The following BRF1 variants were observed in gnomAD, a reference collection of about 807,000 sequenced individuals.
BRF1 encodes the protein transcription factor IIIB 90 kDa subunit.
A neutral mutation model predicts 81.7 loss-of-function variants in BRF1; 59 were observed. That is an observed-to-expected ratio of 0.72 (90% CI 0.59 to 0.90). The LOEUF (loss-of-function observed/expected upper bound fraction) is 0.90. Among genes scored for constraint, BRF1 ranks in the 40% least tolerant of loss-of-function variants. The pLI, the probability that BRF1 is intolerant of heterozygous loss-of-function variation, is 0.00. For missense variants in BRF1, 1,050 were observed against 936.3 expected (o/e 1.12, Z -1.58); for synonymous variants, 491 against 395.6 (o/e 1.24, Z -2.86).
At chr14:105,242,784 C>T (rs1029866679) in intron 5 of BRF1, among the ~76,000 whole-genome samples, 3 of 137,518 alleles carry the variant, frequency 2.2e-5, no homozygotes, top group Non-Finnish European at 3.1e-5. Flanking sequence ...ATAGACTGGG[C>T]AATACAGAGA....
intron 15 of BRF1, among the ~76,000 whole-genome samples, chr14:105,215,332 G>A (rs1890935415): frequency 6.6e-6 from 1 of 152,114 alleles, no homozygotes; most frequent in Non-Finnish European, 1.5e-5. Flanking sequence ...AGGTACACAT[G>A]TTGCATGCAC....
intron 8 of BRF1, 34 bp downstream of exon 8, chr14:105,226,600 G>A (rs774379506): frequency 1.2e-6 from 2 of 1,611,848 alleles, no homozygotes; most frequent in South Asian, 2.2e-5. Context: ...AGGCTGGCAA[G>A]CCCAGCACAG....
Position 105,212,170 on chromosome 14 carries a change from AAAGG to A in BRF1, c.1773-10_1773-7del. ...TAGACACCAGAGGCCTCAACCTGCA[AAAGG>A]AAGCACAGCATGGCGGCCTCAGCCC... On this transcript the variant is annotated splice_polypyrimidine_tract_variant and splice_region_variant and intron_variant, in intron 15 of 17. Coordinates refer to ENST00000547530, the MANE Select transcript of BRF1 (RefSeq NM_001519.4). The A allele has an allele frequency of 6.2e-7, 1 of 1,611,528 alleles. No homozygotes were observed. Among genetic ancestry groups the A allele is most frequent in the Non-Finnish European group, 8.5e-7 (1 of 1,179,066 alleles).
intron 2 of BRF1, among the ~76,000 whole-genome samples, chr14:105,279,496 G>A (rs781581769): frequency 3.9e-5 from 6 of 152,044 alleles, no homozygotes; most frequent in South Asian, 2.1e-4. Context: ...AATTAATGCC[G>A]CAGCGAGTGT....
rs755690704 is a variant in BRF1 at position 105,217,764 on chromosome 14, C to G, written c.1552G>C (p.Ala518Pro). ...KSCKRREPIQ[A>P]STAREAIEKM... The stretch of plus-strand genomic sequence containing the variant: ...TCGATGGCCTCCCTGGCGGTACTGG[C>G]CTGAATTGGCTCCCGTCGCTTGCAA... The change falls in exon 15 of 18, where the codon GCC becomes CCC. Residue 518 changes from alanine to proline, a missense_variant. Transcript: ENST00000547530. The G allele has an allele frequency of 2.5e-6, 4 of 1,613,248 alleles. No homozygotes were observed. Among genetic ancestry groups the G allele is most frequent in the Non-Finnish European group, 2.5e-6 (3 of 1,179,930 alleles).
intron 1 of BRF1, among the ~76,000 whole-genome samples, chr14:105,296,778 T>C (rs756036455): frequency 6.6e-6 from 1 of 150,994 alleles, no homozygotes; most frequent in Non-Finnish European, 1.5e-5. Context: ...CATATTTATA[T>C]AAACAAGCAA....
Position 105,274,585 on chromosome 14 carries a change from G to A in BRF1, c.266-1691C>T, listed in dbSNP as rs148324037. Among the ~76,000 whole-genome samples, 500 of 152,330 alleles carry A rather than the reference G, an allele frequency of 3.3e-3. 3 individuals are homozygous for A. Among genetic ancestry groups the A allele is most frequent in the East Asian group, 0.014 (72 of 5,170 alleles). On this transcript the variant is annotated intron_variant, in intron 2 of 17. Coordinates refer to ENST00000547530, the MANE Select transcript of BRF1 (RefSeq NM_001519.4). ...ATCCGAGCACACGCGCCTCCCTGGA[G>A]CAAGACCCTCCCAAAGCTGCGGGCC...
chr14:105,241,243 A>AG lies in BRF1; in HGVS notation c.694+21dup, dbSNP rs1209848630. ...GCCAGGACCCAGACCAGCATCCCCC[A>AG]GGCAGGCAGGGCCCGCTGTACCTGC... On this transcript the variant is annotated intron_variant, in intron 6 of 17. Transcript: ENST00000547530. The AG allele has an allele frequency of 1.9e-6, 3 of 1,607,688 alleles. No homozygotes were observed. The South Asian group carries it at 3.3e-5, about 18-fold the overall frequency.
chr14:105,256,374 C>A (rs754186713), intron 4 of BRF1, 144 bp downstream of exon 4: 36 of 1,587,480 alleles, frequency 2.3e-5, no homozygotes, highest in Non-Finnish European at 2.9e-5. Context: ...ATCCTACAGA[C>A]CAAAACTTCC....
At chr14:105,250,121 C>T in intron 5 of BRF1, 2 of 1,613,010 alleles carry the variant, frequency 1.2e-6, no homozygotes, top group Non-Finnish European at 1.7e-6. Context: ...GTCAGACATC[C>T]TGACTCTGGA....
At chr14:105,246,737 G>A (rs1332200774) in intron 5 of BRF1, 3 of 890,418 alleles carry the variant, frequency 3.4e-6, no homozygotes, top group African/African-American at 3.6e-5. Context: ...GATTACAGGC[G>A]TGAGCCACCG....
At chr14:105,310,682 CGCCCG>C (rs1437275155) in intron 1 of BRF1, among the ~76,000 whole-genome samples, 2 of 152,028 alleles carry the variant, frequency 1.3e-5, no homozygotes, top group African/African-American at 4.8e-5. Context: ...AGCCAGATGG[CGCCCG>C]GCTCTCCAGC....
intron 5 of BRF1, among the ~76,000 whole-genome samples, chr14:105,251,538 T>C (rs2055615542): frequency 6.6e-6 from 1 of 152,154 alleles, no homozygotes; most frequent in Admixed American, 6.5e-5. Flanking sequence ...CTGGAAAACC[T>C]GTATGACCCC....
intron 1 of BRF1, among the ~76,000 whole-genome samples, chr14:105,310,301 C>A (rs1007278361): frequency 3.3e-5 from 5 of 150,772 alleles, no homozygotes; most frequent in African/African-American, 1.2e-4. Flanking sequence ...GAGGTCGAGG[C>A]GGGCGGATCA....
chr14:105,272,899 G>GAC lies in BRF1; in HGVS notation c.266-7_266-6dup. 6.2e-7 allele frequency: 1 copy of GAC among 1,600,546 alleles called. No homozygotes were observed. The highest frequency in any genetic ancestry group is 8.5e-7 in the Non-Finnish European group (1 of 1,170,130). The stretch of plus-strand genomic sequence containing the variant: ...GGTGGTGGATGTGGCGCCTCCCTAG[G>GAC]ACACAGCACGAGGCAGCTCTTAGCC... On this transcript the variant is annotated splice_polypyrimidine_tract_variant and splice_region_variant and intron_variant, in intron 2 of 17. Coordinates refer to ENST00000547530, the MANE Select transcript of BRF1 (RefSeq NM_001519.4).
chr14:105,224,986 G>A (rs185061905), intron 10 of BRF1, among the ~76,000 whole-genome samples: 72 of 152,334 alleles, frequency 4.7e-4, no homozygotes, highest in African/African-American at 1.7e-3. Flanking sequence ...AGCTGTCAGT[G>A]GACGATGACC....
chr14:105,282,889 C>T (rs949525275), intron 2 of BRF1, among the ~76,000 whole-genome samples: 4 of 152,174 alleles, frequency 2.6e-5, no homozygotes, highest in East Asian at 1.9e-4. Flanking sequence ...GCCCAGATCG[C>T]GCCACTGCAC....
At chr14:105,268,259 G>A (rs1190907891) in intron 3 of BRF1, among the ~76,000 whole-genome samples, 1 of 152,246 alleles carries the variant, frequency 6.6e-6, no homozygotes, top group African/African-American at 2.4e-5. Flanking sequence ...CTACCTGCTC[G>A]ACAATGGCAG....
At chr14:105,247,942 C>A (rs1414623855) in intron 5 of BRF1, 1 of 985,384 alleles carries the variant, frequency 1.0e-6, no homozygotes, top group Non-Finnish European at 1.2e-6. Flanking sequence ...AGGAGCGAGC[C>A]TGCGACTGCG....
Sources: allele counts gnomAD v4.1 joint callset (sites outside exome capture counted in the v4.1 genomes callset), GRCh38; gene constraint gnomAD v4.1.1; transcripts MANE v1.5; gene names NCBI Gene and HGNC (gene_info 2026-07-23, HGNC 2026-07-21).